TPCN2: variants seen among roughly 807,000 people sequenced by gnomAD.
TPCN2 encodes the protein two pore segment channel 2.
In TPCN2, 92 loss-of-function variants were observed where a neutral mutation model predicts 111.4. The ratio of observed to expected loss-of-function variants is 0.83; its 90% confidence interval spans 0.70 to 0.98. The LOEUF (loss-of-function observed/expected upper bound fraction) is 0.98, where lower values mean the gene tolerates loss of function less well. Among genes scored for constraint, TPCN2 ranks in the 50% least tolerant of loss-of-function variants. The pLI is 0.00. For missense variants in TPCN2, 995 were observed against 980.1 expected (o/e 1.02, Z -0.20); for synonymous variants, 405 against 414.5 (o/e 0.98, Z 0.28).
At position 69,071,968 on chromosome 11, in the gene TPCN2, G is replaced by A; in HGVS notation, c.1006G>A (p.Ala336Thr). 1 of 1,614,034 alleles carries A rather than the reference G, an allele frequency of 6.2e-7. No homozygotes were observed. The highest frequency in any genetic ancestry group is 8.5e-7 in the Non-Finnish European group (1 of 1,179,982). ...SLFRRRLGTR[A>T]AFEVLSSMVG... ...GTTTCGGAGGCGGCTGGGAACCCGG[G>A]CTGCCTTTGAAGTCCTATCCTCCAT... Residue 336 changes from alanine (A) to threonine (T), a missense_variant, in exon 11 of 25, where the codon GCT (alanine) becomes ACT (threonine). Transcript: ENST00000294309.
At chr11:69,050,693 G>A (rs531762273) in intron 1 of TPCN2, among the ~76,000 whole-genome samples, 89 of 152,292 alleles carry the variant, frequency 5.8e-4, no homozygotes, top group African/African-American at 2.0e-3. Context: ...TCACCTTTCC[G>A]AATCTCAGTA....
chr11:69,082,757 CGT>C (rs1856088245), intron 18 of TPCN2, among the ~76,000 whole-genome samples: 1 of 48,692 alleles, frequency 2.1e-5, no homozygotes, highest in Non-Finnish European at 4.9e-5. Flanking sequence ...GACGCATGAT[CGT>C]GTGTGCACAC....
At chr11:69,056,360 C>G (rs1854764864) in intron 4 of TPCN2, among the ~76,000 whole-genome samples, 1 of 152,218 alleles carries the variant, frequency 6.6e-6, no homozygotes, top group African/African-American at 2.4e-5. Context: ...TTTCTCATTT[C>G]TTCCTTTGTA....
intron 19 of TPCN2, 22 bp downstream of exon 19, chr11:69,084,038 G>T (rs748873464): frequency 6.2e-7 from 1 of 1,613,516 alleles, no homozygotes; most frequent in East Asian, 2.2e-5. Context: ...GCTGCTGCTG[G>T]TGGCGGGTTA....
chr11:69,087,038 G>C (rs1590757334), intron 23 of TPCN2, 74 bp from the exon 24 acceptor site: 2 of 1,353,442 alleles, frequency 1.5e-6, no homozygotes, highest in Middle Eastern at 2.1e-4. Context: ...GGCTGACCCT[G>C]GAGGGGCCGG....
intron 18 of TPCN2, among the ~76,000 whole-genome samples, chr11:69,081,981 C>T (rs1382284486): frequency 6.6e-6 from 1 of 152,092 alleles, no homozygotes; most frequent in Non-Finnish European, 1.5e-5. Context: ...GAGCAATGGG[C>T]ACCTTAAAGG....
At chr11:69,076,491 A>C (rs1465640234) in intron 13 of TPCN2, among the ~76,000 whole-genome samples, 2 of 152,068 alleles carry the variant, frequency 1.3e-5, no homozygotes, top group East Asian at 1.9e-4. Flanking sequence ...GATGTGCTTA[A>C]CACCACACTC....
chr11:69,065,004 CTGTG>C (rs558435186), intron 7 of TPCN2, among the ~76,000 whole-genome samples: 4 of 149,476 alleles, frequency 2.7e-5, no homozygotes, highest in African/African-American at 9.9e-5. Flanking sequence ...TGTGTGGTGT[CTGTG>C]TGCATGGTGT....
At chr11:69,062,746 C>T (rs1165559725) in intron 5 of TPCN2, 138 bp from the exon 6 acceptor site, 2 of 755,510 alleles carry the variant, frequency 2.6e-6, no homozygotes, top group Non-Finnish European at 4.5e-6. Context: ...TGGAGCCAGG[C>T]CCTCCACTTT....
chr11:69,078,159 C>CTTT (rs11450127), intron 13 of TPCN2, among the ~76,000 whole-genome samples: 13 of 145,632 alleles, frequency 8.9e-5, no homozygotes, highest in African/African-American at 3.0e-4. Context: ...TTTCACACAG[C>CTTT]TTTTTTTTTT....
chr11:69,085,124 T>A (rs1008031682), intron 19 of TPCN2, 86 bp from the exon 20 acceptor site: 38 of 1,278,802 alleles, frequency 3.0e-5, no homozygotes, highest in Non-Finnish European at 4.1e-5. Flanking sequence ...ACAGTCATCC[T>A]CTGGCTTTGC....
intron 5 of TPCN2, 21 bp downstream of exon 5, chr11:69,057,715 G>A: frequency 6.2e-7 from 1 of 1,606,032 alleles, no homozygotes; most frequent in Non-Finnish European, 8.5e-7. Context: ...AGGCAGCCCT[G>A]AGACAGATGG....
intron 22 of TPCN2, 48 bp from the exon 23 acceptor site, chr11:69,086,475 C>T (rs762873612): frequency 6.5e-7 from 1 of 1,543,862 alleles, no homozygotes; most frequent in African/African-American, 1.4e-5. Flanking sequence ...ATCGAGTGCT[C>T]TTGCTTTGCT....
intron 24 of TPCN2, 148 bp from the exon 25 acceptor site, chr11:69,087,727 C>CATTA: frequency 1.6e-6 from 1 of 615,654 alleles, no homozygotes. Flanking sequence ...CTACATCCAT[C>CATTA]CTGAGGCTCA....
intron 5 of TPCN2, 151 bp from the exon 6 acceptor site, chr11:69,062,733 C>T (rs755222700): frequency 8.0e-5 from 57 of 713,370 alleles, no homozygotes; most frequent in Non-Finnish European, 1.3e-4. Context: ...TCAAGGCCAG[C>T]TCTGGAGCCA....
rs769305523 is a variant in TPCN2, at chr11:69,078,502, C to G, written c.1251C>G (p.Tyr417Ter). 1 of 1,614,134 alleles carries G rather than the reference C, an allele frequency of 6.2e-7. No individual in the cohort carries two copies. Among genetic ancestry groups the G allele is most frequent in the African/African-American group, 1.3e-5 (1 of 75,060 alleles). The change falls in exon 14 of 25, where the codon TAC becomes TAG. Residue 417 changes from tyrosine (Y) to a stop codon, truncating the protein, a stop_gained. Coordinates refer to ENST00000294309, the MANE Select transcript of TPCN2 (RefSeq NM_139075.4). LOFTEE classifies it high-confidence loss of function. The part of the protein sequence containing the change: ...VVKEHPPRPE[Y>*]QSPFLQSAQF... ...CCCAGCACCCGCCGAGGCCCGAGTA[C>G]CAGTCTCCGTTTCTGCAGAGCGCCC...
chr11:69,048,967 T>G lies in TPCN2; in HGVS notation c.-31T>G. ...TGGGCGCCTTCGGGGCTTGAGCTTCTGAGGGTCGGGTCCAGCGCGTGGGCT... is the reference window on the plus strand; with the variant it reads ...TGGGCGCCTTCGGGGCTTGAGCTTCGGAGGGTCGGGTCCAGCGCGTGGGCT... On this transcript the variant is annotated 5_prime_UTR_variant, in exon 1 of 25. Transcript: ENST00000294309. 8.2e-7 allele frequency: 1 copy of G among 1,223,206 alleles called. No individual in the cohort carries two copies. The highest frequency in any genetic ancestry group is 1.0e-6 in the Non-Finnish European group (1 of 976,340). The allele number at this position is 1,223,206 out of a possible 1,614,324, so 75.8% of individuals were successfully genotyped here.
intron 7 of TPCN2, among the ~76,000 whole-genome samples, chr11:69,066,625 C>G (rs1855283701): frequency 1.3e-5 from 2 of 152,224 alleles, no homozygotes; most frequent in African/African-American, 4.8e-5. Context: ...ACAGGTGCCT[C>G]CATGCCAGGG....
chr11:69,052,333 T>G (rs760825858), intron 1 of TPCN2, among the ~76,000 whole-genome samples: 17 of 152,044 alleles, frequency 1.1e-4, no homozygotes, highest in Non-Finnish European at 2.9e-5. Context: ...CTCAGGGCTG[T>G]TCATTTATTC....
Sources: gnomAD v4.1 joint callset for allele counts (sites outside exome capture counted in the v4.1 genomes callset) on GRCh38, gnomAD v4.1.1 for gene constraint, MANE v1.5 for transcripts, NCBI Gene and HGNC (gene_info 2026-07-23, HGNC 2026-07-21) for gene names.